Variants in SYNGR1 observed in about 807,000 individuals in gnomAD.
The protein encoded by SYNGR1 is synaptogyrin 1.
In SYNGR1, 14 loss-of-function variants were observed where a neutral mutation model predicts 26.1. That is an observed-to-expected ratio of 0.54 (90% CI 0.35 to 0.84). The LOEUF is 0.84. Among genes scored for constraint, SYNGR1 ranks in the 40% least tolerant of loss-of-function variants. The pLI, the probability that SYNGR1 is intolerant of heterozygous loss-of-function variation, is 0.01. For missense variants in SYNGR1, 319 were observed against 332.9 expected, an observed-to-expected ratio of 0.96 and a Z score of 0.33; for synonymous variants, 141 against 150.1, an observed-to-expected ratio of 0.94 and a Z score of 0.44.
intron 3 of SYNGR1, chr22:39,377,686 C>T (rs144160124): frequency 1.1e-4 from 181 of 1,613,622 alleles, no homozygotes; most frequent in African/African-American, 6.7e-4. Context: ...TCGGCACAGC[C>T]GTAGGCCTCC....
chr22:39,365,024 G>A (rs529535030), intron 1 of SYNGR1, among the ~76,000 whole-genome samples: 5 of 152,132 alleles, frequency 3.3e-5, no homozygotes, highest in African/African-American at 9.7e-5. Context: ...GCTTTAGCTC[G>A]AGGGAAGCTT....
At chr22:39,362,067 C>CA (rs1317230680) in intron 1 of SYNGR1, among the ~76,000 whole-genome samples, 4 of 149,298 alleles carry the variant, frequency 2.7e-5, no homozygotes, top group African/African-American at 7.5e-5. Flanking sequence ...AGGCTGGTCT[C>CA]AAACTCCTGG....
intron 1 of SYNGR1, among the ~76,000 whole-genome samples, chr22:39,358,673 G>A (rs1030378528): frequency 1.3e-5 from 2 of 152,020 alleles, no homozygotes; most frequent in Non-Finnish European, 2.9e-5. Flanking sequence ...GGACACATCC[G>A]AACATCAGAA....
chr22:39,364,752 C>T (rs1924652206), intron 1 of SYNGR1, among the ~76,000 whole-genome samples: 1 of 152,136 alleles, frequency 6.6e-6, no homozygotes, highest in African/African-American at 2.4e-5. Context: ...GGGAGGGGGA[C>T]AGATGAGATC....
rs1485742113 is a variant in SYNGR1, at chr22:39,384,984, G to C, written c.*3070G>C. On this transcript the variant is annotated 3_prime_UTR_variant, in exon 4 of 4. Coordinates refer to ENST00000328933, the MANE Select transcript of SYNGR1 (RefSeq NM_004711.5). ...ATCCACCTGGGGGTGTCGCAGTTGA[G>C]GGGCTAATTCCCAGGGGACTGACGT... The C allele has an allele frequency of 4.3e-5, 17 of 398,744 alleles. No individual in the cohort carries two copies. Among genetic ancestry groups the C allele is most frequent in the Admixed American group, 8.8e-5 (2 of 22,720 alleles). The allele number at this position is 398,744 out of a possible 1,614,324, so 24.7% of individuals were successfully genotyped here.
rs903730736 is a variant in SYNGR1 at position 39,374,210 on chromosome 22, G to C, written c.100-106G>C. 4.9e-6 allele frequency: 5 copies of C among 1,029,554 alleles called. No homozygotes were observed. In the African/African-American group the frequency reaches 7.8e-5, roughly 16 times the overall value. The allele number at this position is 1,029,554 out of a possible 1,614,324, so 63.8% of individuals were successfully genotyped here. Reference sequence around the variant, plus strand: ...ATGCCTGCTTAACCCGGGTCTTGTAGCTCACGGAGGGCCAGGCAGCAGGCG... The same window carrying C: ...ATGCCTGCTTAACCCGGGTCTTGTACCTCACGGAGGGCCAGGCAGCAGGCG... On this transcript the variant is annotated intron_variant, in intron 1 of 3. Transcript: ENST00000328933.
Position 39,350,185 on chromosome 22 carries a change from ACCCCG to A in SYNGR1, c.99+77_99+81del. 8.2e-6 allele frequency: 2 copies of A among 244,590 alleles called. No individual in the cohort carries two copies. The highest frequency in any genetic ancestry group is 1.2e-4 in the South Asian group (1 of 8,404). The allele number at this position is 244,590 out of a possible 1,614,324, so 15.2% of individuals were successfully genotyped here. A position where few individuals can be genotyped will look rare whatever the true frequency, so the allele number is the denominator to read the frequency against. On this transcript the variant is annotated intron_variant, in intron 1 of 3. Coordinates refer to ENST00000328933, the MANE Select transcript of SYNGR1 (RefSeq NM_004711.5). The surrounding 1 kb of genome is among the most constrained non-coding windows in gnomAD (Gnocchi z 4.3). ...GAGCAAAGGCGGCGCGCCCGGACCG[ACCCCG>A]ACCCCGACCCCAACGGGCCCCCGGC... is the stretch of plus-strand genomic sequence containing the variant.
intron 1 of SYNGR1, among the ~76,000 whole-genome samples, chr22:39,352,699 G>A (rs147821068): frequency 5.9e-5 from 9 of 152,270 alleles, no homozygotes; most frequent in Admixed American, 2.0e-4. Context: ...AGGGTGACCC[G>A]TTTATCCTGG....
intron 1 of SYNGR1, among the ~76,000 whole-genome samples, chr22:39,371,077 A>C (rs1268015624): frequency 6.6e-6 from 1 of 152,234 alleles, no homozygotes; most frequent in Non-Finnish European, 1.5e-5. Flanking sequence ...TACAGAGATA[A>C]GATAATATTA....
rs138000153 is a variant in SYNGR1, at chr22:39,370,477, T to C, written c.100-3839T>C. 1.3e-4 allele frequency among the ~76,000 whole-genome samples: 20 copies of C among 152,228 alleles called. No homozygotes were observed. In the East Asian group the frequency reaches 3.5e-3, roughly 26 times the overall value. ...TTTTTGTAGAGATGCGGTTTTACAA[T>C]GTTGCCCACGCTGGTTGTTCCTTTT... is the stretch of plus-strand genomic sequence containing the variant. On this transcript the variant is annotated intron_variant, in intron 1 of 3. Transcript: ENST00000328933.
chr22:39,367,641 G>A (rs1223095259), intron 1 of SYNGR1, among the ~76,000 whole-genome samples: 1 of 152,088 alleles, frequency 6.6e-6, no homozygotes, highest in African/African-American at 2.4e-5. Flanking sequence ...TGGCCAACAT[G>A]GCACAACCCC....
At chr22:39,377,732 T>G (rs1925353045) in intron 3 of SYNGR1, 10 of 1,605,320 alleles carry the variant, frequency 6.2e-6, no homozygotes, top group Non-Finnish European at 8.5e-6. Flanking sequence ...GTATCACCCC[T>G]GGCAGTGAGG....
chr22:39,373,593 C>G (rs1406972945), intron 1 of SYNGR1, among the ~76,000 whole-genome samples: 1 of 152,060 alleles, frequency 6.6e-6, no homozygotes, highest in African/African-American at 2.4e-5. Flanking sequence ...AGAGATCCTC[C>G]CCCTCATCTT....
At chr22:39,368,680 C>T (rs571901389) in intron 1 of SYNGR1, among the ~76,000 whole-genome samples, 9 of 152,202 alleles carry the variant, frequency 5.9e-5, no homozygotes, top group Non-Finnish European at 1.3e-4. Context: ...GTCCCCAGGG[C>T]CCAGGCTTCT....
chr22:39,377,547 G>A, intron 3 of SYNGR1: 1 of 1,598,388 alleles, frequency 6.3e-7, no homozygotes. Flanking sequence ...CTCCCTCCTG[G>A]CACCTCTGCA....
At chr22:39,375,064 G>C (rs1925217329) in intron 2 of SYNGR1, 1 of 186,374 alleles carries the variant, frequency 5.4e-6, no homozygotes, top group Admixed American at 5.4e-5. Context: ...CTTTGGCAGA[G>C]GCACCCTGAC....
Position 39,350,178 on chromosome 22 carries a change from C to T in SYNGR1, c.99+69C>T. 3.5e-6 allele frequency: 4 copies of T among 1,138,510 alleles called. No individual in the cohort carries two copies. The highest frequency in any genetic ancestry group is 2.1e-5 in the South Asian group (1 of 48,490). 70.5% of individuals were successfully genotyped at this position (1,138,510 alleles called of 1,614,324 possible). A position where few individuals can be genotyped will look rare whatever the true frequency, so the allele number is the denominator to read the frequency against. ...GGGGTGTGAGCAAAGGCGGCGCGCCCGGACCGACCCCGACCCCGACCCCAA... is the reference window on the plus strand; with the variant it reads ...GGGGTGTGAGCAAAGGCGGCGCGCCTGGACCGACCCCGACCCCGACCCCAA... On this transcript the variant is annotated intron_variant, in intron 1 of 3. Coordinates refer to ENST00000328933, the MANE Select transcript of SYNGR1 (RefSeq NM_004711.5). The surrounding 1 kb of genome is among the most constrained non-coding windows in gnomAD (Gnocchi z 4.3).
intron 1 of SYNGR1, among the ~76,000 whole-genome samples, chr22:39,357,546 C>G (rs1601650484): frequency 1.3e-5 from 2 of 152,272 alleles, no homozygotes; most frequent in African/African-American, 2.4e-5. Context: ...GGGAGAGGCG[C>G]GAGCGGGAAC....
chr22:39,364,409 AT>A, intron 1 of SYNGR1: 1 of 1,544,138 alleles, frequency 6.5e-7, no homozygotes, highest in Non-Finnish European at 8.9e-7. Flanking sequence ...TGATTTGCAG[AT>A]TTTTATGGGG....
Sources: gnomAD v4.1 joint callset for allele counts (sites outside exome capture counted in the v4.1 genomes callset) on GRCh38, gnomAD v4.1.1 for gene constraint, Gnocchi (gnomAD v3.1) non-coding constraint, MANE v1.5 for transcripts, NCBI Gene and HGNC (gene_info 2026-07-23, HGNC 2026-07-21) for gene names.